RFFL: variants seen among roughly 807,000 people sequenced by gnomAD.
RFFL encodes E3 ubiquitin-protein ligase rififylin.
In RFFL, 16 loss-of-function variants were observed where a neutral mutation model predicts 40.4. That is an observed-to-expected ratio of 0.40 (90% CI 0.27 to 0.60). The LOEUF (loss-of-function observed/expected upper bound fraction) is 0.60. Among genes scored for constraint, RFFL ranks in the 20% least tolerant of loss-of-function variants. The pLI is 0.47. For missense variants in RFFL, 367 were observed against 451.7 expected (o/e 0.81, Z 1.70); for synonymous variants, 154 against 167.9 (o/e 0.92, Z 0.64).
At chr17:35,081,163 T>C (rs1054884441) in intron 1 of RFFL, among the ~76,000 whole-genome samples, 1 of 152,204 alleles carries the variant, frequency 6.6e-6, no homozygotes, top group East Asian at 1.9e-4. Context: ...TGGGGGTTAG[T>C]AGCTTTAACA....
At chr17:35,039,811 G>A (rs1365445849) in intron 1 of RFFL, among the ~76,000 whole-genome samples, 1 of 151,944 alleles carries the variant, frequency 6.6e-6, no homozygotes, top group Non-Finnish European at 1.5e-5. Context: ...CCGAGTATCT[G>A]GGATTACAGG....
intron 2 of RFFL, among the ~76,000 whole-genome samples, chr17:35,024,641 C>T (rs1017673181): frequency 6.6e-6 from 1 of 152,172 alleles, no homozygotes; most frequent in African/African-American, 2.4e-5. Context: ...GTTATCTGTG[C>T]TTTGCACCCA....
intron 1 of RFFL, among the ~76,000 whole-genome samples, chr17:35,027,170 T>G (rs1229325243): frequency 1.3e-5 from 2 of 152,246 alleles, no homozygotes; most frequent in Non-Finnish European, 2.9e-5. Context: ...TGTCCATTCA[T>G]TGATTTCCCC....
intron 1 of RFFL, among the ~76,000 whole-genome samples, chr17:35,084,727 T>TAA (rs71366407): frequency 0.056 from 8,163 of 144,624 alleles, 661 homozygotes; most frequent in African/African-American, 0.18. Context: ...CCGTCTCTAC[T>TAA]AAAAAAAAAA....
intron 1 of RFFL, chr17:35,076,679 A>AAATAATAATAATAATAATAAT (rs60726343): frequency 1.9e-4 from 26 of 137,198 alleles, no homozygotes; most frequent in East Asian, 4.3e-4. Context: ...ACTCCGTCTC[A>AAATAATAATAATAATAATAAT]AATAATAATA....
chr17:35,039,289 G>A (rs887946454), intron 1 of RFFL, among the ~76,000 whole-genome samples: 3 of 151,996 alleles, frequency 2.0e-5, no homozygotes, highest in South Asian at 2.1e-4. Context: ...GCGCAACCTC[G>A]GCTCACTGCA....
chr17:35,017,557 C>A lies in RFFL; in HGVS notation c.641G>T (p.Ser214Ile). ...ATCCTCAGCAGGTACTCTGGCCACGCTCTCCAGGTAGACGGGTTCCTCTTG... is the reference window on the plus strand; with the variant it reads ...ATCCTCAGCAGGTACTCTGGCCACGATCTCCAGGTAGACGGGTTCCTCTTG... ...QDQEEPVYLE[S>I]VARVPAEDET... Residue 214 changes from serine (S) to isoleucine (I), a missense_variant, in exon 4 of 7, where the codon AGC becomes ATC. Ser to Ile is a moderately radical substitution (Grantham distance 142, BLOSUM62 -2). Transcript: ENST00000394597. 6.2e-7 allele frequency: 1 copy of A among 1,611,802 alleles called. No individual in the cohort carries two copies. The highest frequency in any genetic ancestry group is 8.5e-7 in the Non-Finnish European group (1 of 1,178,932).
intron 1 of RFFL, among the ~76,000 whole-genome samples, chr17:35,029,912 A>G (rs1365853298): frequency 4.1e-5 from 6 of 146,690 alleles, no homozygotes; most frequent in African/African-American, 1.5e-4. Flanking sequence ...TCATTGTTCA[A>G]TTCCCACCTA....
chr17:35,027,522 C>T (rs2091050217), intron 1 of RFFL, among the ~76,000 whole-genome samples: 3 of 151,788 alleles, frequency 2.0e-5, no homozygotes, highest in East Asian at 1.9e-4. Context: ...GTCGGGAGTT[C>T]GAGACCAGCC....
At chr17:35,064,449 A>C (rs1487503608), upstream of RFFL, among the ~76,000 whole-genome samples, 1 of 152,016 alleles carries the variant, frequency 6.6e-6, no homozygotes, top group Non-Finnish European at 1.5e-5. Flanking sequence ...CTCATTTATT[A>C]GCCTGCTTAT....
chr17:35,027,151 A>G (rs1044876301), intron 1 of RFFL, among the ~76,000 whole-genome samples: 50 of 152,124 alleles, frequency 3.3e-4, no homozygotes, highest in African/African-American at 9.7e-5. Context: ...CCTTTTCCCT[A>G]TACTATGTTG....
chr17:35,014,909 T>C, intron 5 of RFFL, 146 bp from the exon 6 acceptor site: 2 of 722,712 alleles, frequency 2.8e-6, no homozygotes, highest in Non-Finnish European at 5.0e-6. Flanking sequence ...ATCTGCCCTC[T>C]ACTCGCTCTA....
chr17:35,044,580 G>A (rs2091186294), intron 1 of RFFL, among the ~76,000 whole-genome samples: 1 of 152,134 alleles, frequency 6.6e-6, no homozygotes, highest in Non-Finnish European at 1.5e-5. Flanking sequence ...CACCACTGCA[G>A]TCCAGCCTGG....
chr17:35,063,286 T>C (rs1167631553), intron 1 of RFFL, among the ~76,000 whole-genome samples: 1 of 151,548 alleles, frequency 6.6e-6, no homozygotes, highest in Non-Finnish European at 1.5e-5. Flanking sequence ...CAAAACCCTG[T>C]CTCTACTAAA....
chr17:35,023,934 G>A (rs1285239505), intron 2 of RFFL, among the ~76,000 whole-genome samples: 1 of 152,168 alleles, frequency 6.6e-6, no homozygotes, highest in Non-Finnish European at 1.5e-5. Context: ...TGCAGTGGCA[G>A]AAGAAAACAA....
rs116791634 is a variant in RFFL, at chr17:35,015,628, C to G, written c.886+742G>C. Among the ~76,000 whole-genome samples the G allele has an allele frequency of 3.5e-3, 527 of 152,300 alleles. 2 individuals carry two copies. Among genetic ancestry groups the G allele is most frequent in the African/African-American group, 0.012 (501 of 41,566 alleles). The stretch of plus-strand genomic sequence containing the variant: ...AGCCTGAAACCTGACTTCAACCACT[C>G]TTACCAAGCAAGGAATCAGTATGTT... On this transcript the variant is annotated intron_variant, in intron 5 of 6. Transcript: ENST00000394597.
Position 35,010,471 on chromosome 17 carries a change from C to A in RFFL, c.*1497G>T, listed in dbSNP as rs1436146711. ...TAAAGAGCCTAGAAAATGGTTTCTC[C>A]TGCTGGGTGTGGTGGCTCACGCCTG... On this transcript the variant is annotated 3_prime_UTR_variant, in exon 7 of 7. Transcript: ENST00000394597. The A allele has an allele frequency of 6.6e-6, 1 of 152,132 alleles. No homozygotes were observed. The highest frequency in any genetic ancestry group is 1.9e-4 in the East Asian group (1 of 5,188). The allele number at this position is 152,132 out of a possible 1,614,324, so 9.4% of individuals were successfully genotyped here. A position where few individuals can be genotyped will look rare whatever the true frequency, so the allele number is the denominator to read the frequency against.
intron 1 of RFFL, among the ~76,000 whole-genome samples, chr17:35,034,098 G>A (rs1319425632): frequency 2.0e-5 from 3 of 151,658 alleles, no homozygotes; most frequent in African/African-American, 7.3e-5. Flanking sequence ...AGCCGAGATC[G>A]CACCACTGTA....
intron 1 of RFFL, among the ~76,000 whole-genome samples, chr17:35,077,736 G>A (rs900719569): frequency 7.2e-5 from 11 of 152,162 alleles, no homozygotes; most frequent in African/African-American, 2.7e-4. Flanking sequence ...CATGGCCTCC[G>A]GGCCCAACAC....
Sources: gnomAD v4.1 joint callset for allele counts (sites outside exome capture counted in the v4.1 genomes callset) on GRCh38, gnomAD v4.1.1 for gene constraint, MANE v1.5 for transcripts, NCBI Gene and HGNC (gene_info 2026-07-23, HGNC 2026-07-21) for gene names.